Variants in UMAD1 observed in about 807,000 individuals in gnomAD.
The protein encoded by UMAD1 is UBAP1-MVB12-associated (UMA) domain containing 1.
UMAD1 carries 8 observed loss-of-function variants against 6.1 expected under a neutral mutation model. The observed-to-expected ratio is 1.30, with a 90% CI of 0.76 to 2.35. The LOEUF (loss-of-function observed/expected upper bound fraction) is 2.35, where lower values mean the gene tolerates loss of function less well. Among genes scored for constraint, UMAD1 ranks in the 30% most tolerant of loss-of-function variants. UMAD1 has a pLI of 0.00. For synonymous variants in UMAD1, 56 were observed against 31.4 expected, an observed-to-expected ratio of 1.78 and a Z score of -2.61; for missense variants, 130 against 78.4, an observed-to-expected ratio of 1.66 and a Z score of -2.49.
intron 3 of UMAD1, among the ~76,000 whole-genome samples, chr7:7,874,963 G>A (rs550333778): frequency 1.3e-5 from 2 of 151,992 alleles, no homozygotes; most frequent in Admixed American, 6.6e-5. Flanking sequence ...TAGTACAGAC[G>A]GGGTTTCTCC....
intron 1 of UMAD1, among the ~76,000 whole-genome samples, chr7:7,668,815 T>TA (rs1779533967): frequency 6.6e-6 from 1 of 152,228 alleles, no homozygotes; most frequent in African/African-American, 2.4e-5. Context: ...AGTTAAGTGC[T>TA]ACAGCTGGCC....
At chr7:7,675,499 A>G (rs1047373417) in intron 2 of UMAD1, among the ~76,000 whole-genome samples, 1 of 152,180 alleles carries the variant, frequency 6.6e-6, no homozygotes, top group Non-Finnish European at 1.5e-5. Flanking sequence ...GCCTCCGAGT[A>G]TTATCTACTA....
intron 2 of UMAD1, among the ~76,000 whole-genome samples, chr7:7,747,879 A>G (rs1276102024): frequency 6.6e-6 from 1 of 152,252 alleles, no homozygotes; most frequent in Non-Finnish European, 1.5e-5. Context: ...TAAATCATTG[A>G]ATTATTAGAT....
intron 3 of UMAD1, among the ~76,000 whole-genome samples, chr7:7,823,778 C>T (rs1250895528): frequency 1.3e-5 from 2 of 152,094 alleles, no homozygotes; most frequent in Admixed American, 6.6e-5. Flanking sequence ...AAATCTAATG[C>T]ATCCCCTCTC....
intron 3 of UMAD1, among the ~76,000 whole-genome samples, chr7:7,855,157 C>A (rs756806144): frequency 6.6e-6 from 1 of 152,214 alleles, no homozygotes; most frequent in Admixed American, 6.5e-5. Context: ...TGAGTGTCTG[C>A]AGCTTTTCCA....
intron 2 of UMAD1, among the ~76,000 whole-genome samples, chr7:7,681,656 G>A (rs1251070836): frequency 6.6e-6 from 1 of 152,002 alleles, no homozygotes; most frequent in Non-Finnish European, 1.5e-5. Context: ...AAAACAAATT[G>A]CAGTTTTCAT....
intron 2 of UMAD1, among the ~76,000 whole-genome samples, chr7:7,686,704 A>G (rs1780049022): frequency 6.6e-6 from 1 of 152,204 alleles, no homozygotes; most frequent in Non-Finnish European, 1.5e-5. Flanking sequence ...TCACTGTGAT[A>G]TGGGGCAGAC....
At position 7,773,420 on chromosome 7, in the gene UMAD1, C is replaced by T. The variant is rs138488199; in HGVS notation, c.83-28250C>T. 2.0e-3 allele frequency among the ~76,000 whole-genome samples: 311 copies of T among 152,234 alleles called. 1 individual carries two copies. Among genetic ancestry groups the T allele is most frequent in the Middle Eastern group, 3.4e-3 (1 of 294 alleles). ...AGTGTTGATGTAGCTAAATGTGCAA[C>T]ATTAGGCTGTCAATTTACTTTGAAG... On this transcript the variant is annotated intron_variant, in intron 2 of 3. Coordinates refer to ENST00000682710, the MANE Select transcript of UMAD1 (RefSeq NM_001302348.2).
At chr7:7,739,001 G>C (rs897768586) in intron 2 of UMAD1, 1 of 152,140 alleles carries the variant, frequency 6.6e-6, no homozygotes, top group Non-Finnish European at 1.5e-5. Flanking sequence ...AGAACAGGGA[G>C]AAATTTCAGG....
At chr7:7,749,524 C>G (rs1404301821) in intron 2 of UMAD1, among the ~76,000 whole-genome samples, 1 of 152,102 alleles carries the variant, frequency 6.6e-6, no homozygotes. Flanking sequence ...GCAATTTTAG[C>G]TTCCAGTACT....
intron 2 of UMAD1, among the ~76,000 whole-genome samples, chr7:7,735,561 C>A (rs1016618371): frequency 3.9e-5 from 6 of 152,140 alleles, no homozygotes; most frequent in African/African-American, 1.4e-4. Context: ...AGGGGCCCAC[C>A]ACCATACCCA....
At chr7:7,808,236 T>C (rs1243174655) in intron 3 of UMAD1, among the ~76,000 whole-genome samples, 2 of 152,024 alleles carry the variant, frequency 1.3e-5, no homozygotes, top group Non-Finnish European at 2.9e-5. Flanking sequence ...TGGGTAAATT[T>C]TGATAGTGAG....
chr7:7,804,552 A>C (rs1420970857), intron 3 of UMAD1, among the ~76,000 whole-genome samples: 1 of 152,258 alleles, frequency 6.6e-6, no homozygotes, highest in Non-Finnish European at 1.5e-5. Flanking sequence ...GTGCGCCTGT[A>C]ATCCCAGCTA....
rs187489151 is a variant in UMAD1 at position 7,679,669 on chromosome 7, A to G, written c.82+6216A>G. 7.8e-3 allele frequency among the ~76,000 whole-genome samples: 898 copies of G among 115,544 alleles called. 27 individuals carry two copies. Among genetic ancestry groups the G allele is most frequent in the Non-Finnish European group, 0.011 (668 of 58,718 alleles). 75.8% of individuals were successfully genotyped at this position (115,544 alleles called of 152,430 possible). A position where few individuals can be genotyped will look rare whatever the true frequency, so the allele number is the denominator to read the frequency against. ...AGATAAATATATATTTATATATTTAATTTATAGATAAATATATATTTATAT... is the reference window on the plus strand; with the variant it reads ...AGATAAATATATATTTATATATTTAGTTTATAGATAAATATATATTTATAT... On this transcript the variant is annotated intron_variant, in intron 2 of 3. Transcript: ENST00000682710.
chr7:7,841,042 G>A (rs1783670349), intron 3 of UMAD1, among the ~76,000 whole-genome samples: 1 of 152,202 alleles, frequency 6.6e-6, no homozygotes, highest in South Asian at 2.1e-4. Flanking sequence ...TTTTAGTTGT[G>A]TTTCAGTGTA....
At chr7:7,781,088 A>G (rs57771369) in intron 2 of UMAD1, among the ~76,000 whole-genome samples, 2,876 of 152,270 alleles carry the variant, frequency 0.019, 40 homozygotes, top group Admixed American at 0.044. Flanking sequence ...ATATTGCCAA[A>G]TTGCCTTCTA....
intron 2 of UMAD1, among the ~76,000 whole-genome samples, chr7:7,699,247 C>T (rs1002717496): frequency 6.6e-6 from 1 of 152,076 alleles, no homozygotes; most frequent in African/African-American, 2.4e-5. Flanking sequence ...TCCTTCTTAT[C>T]AGACTCATTT....
Position 7,669,278 on chromosome 7 carries a change from C to T in UMAD1, c.-63-4031C>T, listed in dbSNP as rs548762175. ...CGGTATTTTGATATAGGGTCTGACA[C>T]ACTGTAGGAACTCAGTAAATGTTAG... On this transcript the variant is annotated intron_variant, in intron 1 of 3. Coordinates refer to ENST00000682710, the MANE Select transcript of UMAD1 (RefSeq NM_001302348.2). Among the ~76,000 whole-genome samples the T allele has an allele frequency of 3.3e-5, 5 of 152,264 alleles. No homozygotes were observed. In the South Asian group the frequency reaches 1.0e-3, roughly 32 times the overall value.
intron 2 of UMAD1, among the ~76,000 whole-genome samples, chr7:7,763,703 C>A (rs756574989): frequency 8.5e-5 from 13 of 152,056 alleles, no homozygotes; most frequent in Non-Finnish European, 1.8e-4. Context: ...ATGGAGAAAC[C>A]CCATCTCTAC....
Sources: gnomAD v4.1 joint callset for allele counts (sites outside exome capture counted in the v4.1 genomes callset) on GRCh38, gnomAD v4.1.1 for gene constraint, MANE v1.5 for transcripts, NCBI Gene and HGNC (gene_info 2026-07-23, HGNC 2026-07-21) for gene names.